RORA: variants seen among roughly 807,000 people sequenced by gnomAD.
RORA encodes RAR related orphan receptor A.
A neutral mutation model predicts 69.5 loss-of-function variants in RORA; 7 were observed. The observed-to-expected ratio is 0.10, with a 90% CI of 0.06 to 0.19. RORA has a LOEUF of 0.19. Ranked by LOEUF, RORA falls within the 10% of genes least tolerant of loss-of-function variation. RORA has a pLI of 1.00. For synonymous variants in RORA, 261 were observed against 240.8 expected, an observed-to-expected ratio of 1.08 and a Z score of -0.78; for missense variants, 457 against 663.0, an observed-to-expected ratio of 0.69 and a Z score of 3.41.
chr15:60,647,720 G>A (rs149294068), intron 2 of RORA, among the ~76,000 whole-genome samples: 6 of 152,330 alleles, frequency 3.9e-5, no homozygotes, highest in African/African-American at 1.4e-4. Flanking sequence ...CTTATACTCA[G>A]GAGATACTGA....
intron 2 of RORA, among the ~76,000 whole-genome samples, chr15:60,596,153 A>C (rs1374597850): frequency 6.6e-6 from 1 of 152,202 alleles, no homozygotes; most frequent in Non-Finnish European, 1.5e-5. Flanking sequence ...ACCCCAAATC[A>C]CAGATATAAT....
chr15:61,093,376 C>T (rs1479630199), intron 1 of RORA, among the ~76,000 whole-genome samples: 4 of 152,158 alleles, frequency 2.6e-5, no homozygotes, highest in Admixed American at 1.3e-4. Context: ...AGGTGTGGGT[C>T]TGCCAAGGGC....
chr15:60,882,864 A>G (rs1361185565), intron 1 of RORA, among the ~76,000 whole-genome samples: 1 of 152,134 alleles, frequency 6.6e-6, no homozygotes, highest in Non-Finnish European at 1.5e-5. Context: ...AACTATTTTT[A>G]TTTTGAAAAA....
intron 1 of RORA, among the ~76,000 whole-genome samples, chr15:60,762,157 A>G: frequency 6.6e-6 from 1 of 152,132 alleles, no homozygotes; most frequent in East Asian, 1.9e-4. Flanking sequence ...ATGAATCTTT[A>G]TTTTCCATGG....
intron 2 of RORA, among the ~76,000 whole-genome samples, chr15:60,585,131 T>C (rs1453837137): frequency 6.6e-6 from 1 of 152,216 alleles, no homozygotes; most frequent in Non-Finnish European, 1.5e-5. Flanking sequence ...ACGTGCATTC[T>C]TATACCTCTG....
Position 60,497,535 on chromosome 15 carries a change from T to C in RORA, c.1492A>G (p.Ile498Val), listed in dbSNP as rs1249075166. The C allele has an allele frequency of 1.8e-5, 29 of 1,613,740 alleles. No individual in the cohort carries two copies. The highest frequency in any genetic ancestry group is 2.5e-5 in the Non-Finnish European group (29 of 1,179,744). Residue 498 changes from isoleucine to valine, a missense_variant, in exon 11 of 11, where the codon ATT (isoleucine) becomes GTT (valine). Around this residue, in one of 3 missense-constraint regions of RORA, gnomAD observed 304 missense variants for 447.4 expected, o/e 0.68. Coordinates refer to ENST00000335670, the MANE Select transcript of RORA (RefSeq NM_134261.3). ...LMAFKAIYPD[I>V]VRLHFPPLYK... ...AATGGAGGAAAATGAAGTCGCACAA[T>C]GTCTGGGTATATTGCTTTAAATGCC...
intron 1 of RORA, among the ~76,000 whole-genome samples, chr15:60,819,759 A>ACACACACACACACACACG (rs1555455748): frequency 7.5e-6 from 1 of 132,798 alleles, no homozygotes; most frequent in African/African-American, 2.8e-5. Context: ...ACACACACAC[A>ACACACACACACACACACG]CACACACACA....
At chr15:60,846,261 G>A (rs2073263902) in intron 1 of RORA, among the ~76,000 whole-genome samples, 1 of 152,208 alleles carries the variant, frequency 6.6e-6, no homozygotes, top group Admixed American at 6.5e-5. Flanking sequence ...CCACATTGGT[G>A]CCCGTACTGT....
chr15:60,681,954 C>G (rs1417122352), intron 1 of RORA: 1 of 152,200 alleles, frequency 6.6e-6, no homozygotes, highest in Non-Finnish European at 1.5e-5. Flanking sequence ...GCAAATAATT[C>G]TGATTCTAAT....
intron 1 of RORA, chr15:61,183,100 T>C (rs766194839): frequency 6.6e-6 from 1 of 152,288 alleles, no homozygotes; most frequent in Admixed American, 6.5e-5. Flanking sequence ...GGTGGTGGCA[T>C]TGTGCCAATA....
At chr15:60,946,243 C>T (rs1407777241) in intron 1 of RORA, among the ~76,000 whole-genome samples, 8 of 152,012 alleles carry the variant, frequency 5.3e-5, no homozygotes, top group Admixed American at 5.2e-4. Flanking sequence ...ACTCCCTCTC[C>T]CTCTCCCTCT....
In RORA at chr15:60,764,482, GTT is replaced by G. The variant is rs370924456; in HGVS notation, c.167-85798_167-85797del. Among the ~76,000 whole-genome samples the G allele has an allele frequency of 3.0e-3, 444 of 149,232 alleles. 4 individuals are homozygous for G. Among genetic ancestry groups the G allele is most frequent in the East Asian group, 0.021 (109 of 5,116 alleles). On this transcript the variant is annotated intron_variant, in intron 1 of 10. Transcript: ENST00000335670. ...AAAACTTTTTTCATGTTTGGAGTGA[GTT>G]TTTTTTTTATCTCTGGCAACAAATT... is the stretch of plus-strand genomic sequence containing the variant.
At chr15:60,904,189 C>G (rs1595805778) in intron 1 of RORA, among the ~76,000 whole-genome samples, 1 of 152,094 alleles carries the variant, frequency 6.6e-6, no homozygotes, top group South Asian at 2.1e-4. Flanking sequence ...TAAGATATAT[C>G]CTGGGTTTTA....
chr15:60,822,277 T>G (rs1187604842), intron 1 of RORA, among the ~76,000 whole-genome samples: 1 of 151,954 alleles, frequency 6.6e-6, no homozygotes, highest in African/African-American at 2.4e-5. Context: ...GCCCAAGGAG[T>G]GCTATGACTT....
intron 1 of RORA, among the ~76,000 whole-genome samples, chr15:60,839,909 C>T (rs1414910201): frequency 6.6e-6 from 1 of 152,120 alleles, no homozygotes; most frequent in African/African-American, 2.4e-5. Flanking sequence ...TAGATCTTTG[C>T]TGTTTGCCTA....
intron 2 of RORA, among the ~76,000 whole-genome samples, chr15:60,554,043 C>A (rs949553147): frequency 6.6e-6 from 1 of 152,012 alleles, no homozygotes; most frequent in Admixed American, 6.6e-5. Context: ...TTTGTGGGGC[C>A]CCAGACACTG....
intron 2 of RORA, among the ~76,000 whole-genome samples, chr15:60,638,113 G>T (rs1463062544): frequency 6.6e-6 from 1 of 152,106 alleles, no homozygotes; most frequent in African/African-American, 2.4e-5. Flanking sequence ...AAAATTTCCA[G>T]TGAGGAGATT....
chr15:60,615,160 T>C (rs1041138570), intron 2 of RORA: 8 of 1,143,362 alleles, frequency 7.0e-6, no homozygotes, highest in Non-Finnish European at 9.8e-6. Flanking sequence ...CTCATCTTAG[T>C]GCTAGTGCAC....
intron 1 of RORA, among the ~76,000 whole-genome samples, chr15:61,023,759 T>C (rs1201144926): frequency 6.6e-6 from 1 of 152,246 alleles, no homozygotes; most frequent in Non-Finnish European, 1.5e-5. Context: ...GAACTAGCTA[T>C]GAAAGATGCA....
Sources: allele counts gnomAD v4.1 joint callset (sites outside exome capture counted in the v4.1 genomes callset), GRCh38; gene constraint gnomAD v4.1.1; regional missense constraint gnomAD v4.1.1; transcripts MANE v1.5; gene names NCBI Gene and HGNC (gene_info 2026-07-23, HGNC 2026-07-21).